The following FOXK2 variants were observed in gnomAD, a reference collection of about 807,000 sequenced individuals.
The protein encoded by FOXK2 is forkhead box K2.
Under a neutral mutation model 53.3 loss-of-function variants are expected in FOXK2, and 24 were observed. The observed-to-expected ratio is 0.45, with a 90% CI of 0.33 to 0.63. The LOEUF is 0.63. Ranked by LOEUF, FOXK2 falls within the 30% of genes least tolerant of loss-of-function variation. The pLI, the probability that FOXK2 is intolerant of heterozygous loss-of-function variation, is 0.03. For missense variants in FOXK2, 952 were observed against 910.5 expected (o/e 1.05, Z -0.59); for synonymous variants, 505 against 407.1 (o/e 1.24, Z -2.89).
chr17:82,546,668 A>G (rs1181124112), intron 1 of FOXK2, among the ~76,000 whole-genome samples: 3 of 150,524 alleles, frequency 2.0e-5, no homozygotes, highest in Admixed American at 2.0e-4. Context: ...GGGTCTCACC[A>G]TGTTGCCCAG....
intron 4 of FOXK2, among the ~76,000 whole-genome samples, chr17:82,580,167 C>T (rs529509843): frequency 2.8e-5 from 4 of 143,112 alleles, no homozygotes; most frequent in East Asian, 2.2e-4. Flanking sequence ...TCCATGTCGC[C>T]GGTGAAGTAG....
At chr17:82,592,886 T>C (rs1437836832) in intron 8 of FOXK2, among the ~76,000 whole-genome samples, 1 of 151,192 alleles carries the variant, frequency 6.6e-6, no homozygotes, top group East Asian at 2.0e-4. Flanking sequence ...CCCGTGAAGG[T>C]CTCCCTGTGC....
chr17:82,594,925 C>T (rs1421263352), intron 8 of FOXK2, among the ~76,000 whole-genome samples: 1 of 152,194 alleles, frequency 6.6e-6, no homozygotes, highest in Non-Finnish European at 1.5e-5. Context: ...CCTGTAGTCC[C>T]AGCCACCAAG....
intron 1 of FOXK2, among the ~76,000 whole-genome samples, chr17:82,561,055 C>T (rs188966549): frequency 2.2e-4 from 33 of 152,292 alleles, no homozygotes; most frequent in Non-Finnish European, 3.8e-4. Context: ...AGCCTTCAGA[C>T]GTTTTCTCCT....
At chr17:82,526,450 C>G (rs1177941903) in intron 1 of FOXK2, among the ~76,000 whole-genome samples, 1 of 151,886 alleles carries the variant, frequency 6.6e-6, no homozygotes, top group African/African-American at 2.4e-5. Context: ...AAAGTGGGGA[C>G]CTTGTAAGGA....
intron 1 of FOXK2, among the ~76,000 whole-genome samples, chr17:82,562,417 C>T (rs1480691519): frequency 6.6e-6 from 1 of 152,110 alleles, no homozygotes; most frequent in Non-Finnish European, 1.5e-5. Context: ...CCCGTCTCTG[C>T]TAAAAATACG....
At chr17:82,583,196 T>TA (rs1354410868) in intron 5 of FOXK2, among the ~76,000 whole-genome samples, 1 of 152,254 alleles carries the variant, frequency 6.6e-6, no homozygotes, top group Non-Finnish European at 1.5e-5. Context: ...ATGTTGTTCA[T>TA]ACCAGTGCCA....
At position 82,597,628 on chromosome 17, in the gene FOXK2, G is replaced by A. The variant is rs907303909; in HGVS notation, c.1787-3675G>A. ...TGAGGGCAGGGCTGGGTGGATGAGAGTATTTAAGTGTCACCATTTCTTTTC... is the reference window on the plus strand; with the variant it reads ...TGAGGGCAGGGCTGGGTGGATGAGAATATTTAAGTGTCACCATTTCTTTTC... On this transcript the variant is annotated intron_variant, in intron 8 of 8. Transcript: ENST00000335255. Among the ~76,000 whole-genome samples, 3 of 152,260 alleles carry A rather than the reference G, an allele frequency of 2.0e-5. No homozygotes were observed. In the South Asian group the frequency reaches 6.2e-4, roughly 32 times the overall value.
At chr17:82,576,652 A>T in intron 4 of FOXK2, 1 of 1,153,548 alleles carries the variant, frequency 8.7e-7, no homozygotes, top group Non-Finnish European at 1.3e-6. Flanking sequence ...ACAGAAGATG[A>T]TTGACACAAC....
At chr17:82,539,504 C>T (rs1226015369) in intron 1 of FOXK2, among the ~76,000 whole-genome samples, 1 of 151,848 alleles carries the variant, frequency 6.6e-6, no homozygotes, top group African/African-American at 2.4e-5. Flanking sequence ...AAACAATTAG[C>T]TCTGTATGGT....
In FOXK2 at chr17:82,563,543, C is replaced by A; in HGVS notation, c.609C>A (p.Thr203=). 6.2e-7 allele frequency: 1 copy of A among 1,612,930 alleles called. No homozygotes were observed. The highest frequency in any genetic ancestry group is 8.5e-7 in the Non-Finnish European group (1 of 1,179,268). Reference sequence around the variant, plus strand: ...GCCCTCTGCCCTCCCCCACGGGAACCATCAGGTGCGGCCATGGGGATGGGG... The same window carrying A: ...GCCCTCTGCCCTCCCCCACGGGAACAATCAGGTGCGGCCATGGGGATGGGG... ...LISPLPSPTG[T]ISAANSCPSS... Residue 203 remains threonine, a synonymous_variant, in exon 2 of 9, where the codon ACC becomes ACA. Coordinates refer to ENST00000335255, the MANE Select transcript of FOXK2 (RefSeq NM_004514.4).
At chr17:82,539,716 A>G (rs542027315) in intron 1 of FOXK2, among the ~76,000 whole-genome samples, 17 of 151,234 alleles carry the variant, frequency 1.1e-4, no homozygotes, top group Non-Finnish European at 7.4e-5. Context: ...TGTAATCTCA[A>G]CACTTTGGGA....
At chr17:82,524,468 A>G (rs1237755784) in intron 1 of FOXK2, among the ~76,000 whole-genome samples, 3 of 152,216 alleles carry the variant, frequency 2.0e-5, no homozygotes, top group Non-Finnish European at 2.9e-5. Context: ...GATGAGGACT[A>G]TGATCCTGTC....
intron 2 of FOXK2, among the ~76,000 whole-genome samples, chr17:82,565,914 TC>T (rs2044847007): frequency 6.6e-6 from 1 of 152,234 alleles, no homozygotes; most frequent in African/African-American, 2.4e-5. Flanking sequence ...GGAATATTAT[TC>T]AGCCTTAAAA....
At chr17:82,600,858 G>A (rs978435233) in intron 8 of FOXK2, 4 of 168,240 alleles carry the variant, frequency 2.4e-5, no homozygotes, top group Non-Finnish European at 2.6e-5. Flanking sequence ...GGGGGGGCGA[G>A]GGCAGGGCCT....
chr17:82,537,837 C>T (rs977894281), intron 1 of FOXK2, among the ~76,000 whole-genome samples: 1 of 150,262 alleles, frequency 6.7e-6, no homozygotes, highest in Admixed American at 6.6e-5. Context: ...CAGGAGAACC[C>T]CTTGAACCTG....
Position 82,535,608 on chromosome 17 carries a change from A to G in FOXK2, c.419+15301A>G, listed in dbSNP as rs1489758304. ...TCAGATGTGCTATTGAACTGCTAGC[A>G]TGAGCTTTTCATGTTTGTCATTGTA... On this transcript the variant is annotated intron_variant, in intron 1 of 8. Transcript: ENST00000335255. 3.3e-5 allele frequency among the ~76,000 whole-genome samples: 5 copies of G among 152,286 alleles called. No individual in the cohort carries two copies. The East Asian group carries it at 9.6e-4, about 29-fold the overall frequency.
intron 1 of FOXK2, among the ~76,000 whole-genome samples, chr17:82,542,582 A>G (rs1264087528): frequency 6.6e-6 from 1 of 152,062 alleles, no homozygotes; most frequent in African/African-American, 2.4e-5. Flanking sequence ...CCAACCGTGA[A>G]TTACTGGGAT....
intron 1 of FOXK2, among the ~76,000 whole-genome samples, chr17:82,530,229 G>A (rs927009770): frequency 6.6e-6 from 1 of 152,050 alleles, no homozygotes; most frequent in African/African-American, 2.4e-5. Flanking sequence ...GTTGGGTCAC[G>A]CCTGTCATCC....
Sources: allele counts gnomAD v4.1 joint callset (sites outside exome capture counted in the v4.1 genomes callset), GRCh38; gene constraint gnomAD v4.1.1; transcripts MANE v1.5; gene names NCBI Gene and HGNC (gene_info 2026-07-23, HGNC 2026-07-21).